The following UST variants were observed in gnomAD, a reference collection of about 807,000 sequenced individuals.
UST encodes the protein chondroitin sulfate 2-O-sulfotransferase.
UST carries 21 observed loss-of-function variants against 45.6 expected under a neutral mutation model. The observed-to-expected ratio is 0.46, with a 90% confidence interval of 0.33 to 0.66. The LOEUF is 0.66. Ranked by LOEUF, UST falls within the 30% of genes least tolerant of loss-of-function variation. The probability of loss-of-function intolerance (pLI) is 0.02; values close to 1 mark genes in which losing one functional copy is unlikely to be tolerated. For synonymous variants in UST, 215 were observed against 200.6 expected, an observed-to-expected ratio of 1.07 and a Z score of -0.61; for missense variants, 463 against 512.4, an observed-to-expected ratio of 0.90 and a Z score of 0.93.
chr6:149,003,311 C>G (rs1398810074), intron 5 of UST, among the ~76,000 whole-genome samples: 1 of 152,068 alleles, frequency 6.6e-6, no homozygotes, highest in African/African-American at 2.4e-5. Context: ...TCTCTCCCAC[C>G]CCTTTTTCCT....
intron 5 of UST, among the ~76,000 whole-genome samples, chr6:148,966,001 A>C (rs1203936945): frequency 6.6e-6 from 1 of 151,398 alleles, no homozygotes; most frequent in Non-Finnish European, 1.5e-5. Context: ...AGGCAGGTGC[A>C]TCACTTGAGG....
chr6:148,780,097 A>G (rs1304863911), intron 1 of UST, among the ~76,000 whole-genome samples: 1 of 149,476 alleles, frequency 6.7e-6, no homozygotes, highest in Non-Finnish European at 1.5e-5. Flanking sequence ...ATACACACAC[A>G]CACACACAAA....
intron 5 of UST, among the ~76,000 whole-genome samples, chr6:149,012,341 A>C (rs554275867): frequency 4.6e-5 from 7 of 152,332 alleles, no homozygotes; most frequent in Admixed American, 2.0e-4. Context: ...GCCTTTTACA[A>C]GGAAGAGTGT....
At chr6:148,979,914 A>G (rs1178882121) in intron 5 of UST, among the ~76,000 whole-genome samples, 1 of 152,198 alleles carries the variant, frequency 6.6e-6, no homozygotes, top group Non-Finnish European at 1.5e-5. Context: ...AATTTCATAA[A>G]TCAGCATATG....
intron 7 of UST, among the ~76,000 whole-genome samples, chr6:149,032,896 T>G (rs572624043): frequency 1.1e-4 from 17 of 152,330 alleles, no homozygotes; most frequent in African/African-American, 3.9e-4. Flanking sequence ...GGTGAATTTT[T>G]TTCTACTTTA....
At chr6:148,892,276 T>G (rs1056620968) in intron 2 of UST, among the ~76,000 whole-genome samples, 19 of 152,210 alleles carry the variant, frequency 1.2e-4, no homozygotes, top group African/African-American at 4.1e-4. Flanking sequence ...TTCTGTTGTT[T>G]GTGAAATCTC....
chr6:148,766,479 C>A (rs933572050), intron 1 of UST, among the ~76,000 whole-genome samples: 1 of 152,182 alleles, frequency 6.6e-6, no homozygotes, highest in Non-Finnish European at 1.5e-5. Flanking sequence ...AACAAATGCT[C>A]ATCAAGCACC....
intron 5 of UST, among the ~76,000 whole-genome samples, chr6:148,986,726 CT>C (rs1417617284): frequency 1.3e-5 from 2 of 152,228 alleles, no homozygotes; most frequent in Non-Finnish European, 1.5e-5. Context: ...CAAAAAATTC[CT>C]GAAACCACCC....
chr6:148,884,520 A>T (rs944531747), intron 1 of UST, among the ~76,000 whole-genome samples: 1 of 152,182 alleles, frequency 6.6e-6, no homozygotes. Flanking sequence ...CCAGTTCAAA[A>T]GGCCCCTCAT....
At chr6:149,012,174 A>T (rs1002202608) in intron 5 of UST, among the ~76,000 whole-genome samples, 1 of 152,224 alleles carries the variant, frequency 6.6e-6, no homozygotes, top group Admixed American at 6.5e-5. Context: ...CATCTCAACT[A>T]GAGTGTGTCA....
At position 148,782,436 on chromosome 6, in the gene UST, T is replaced by C. The variant is rs574064646; in HGVS notation, c.247+34759T>C. Among the ~76,000 whole-genome samples, 24 of 151,446 alleles carry C rather than the reference T, an allele frequency of 1.6e-4. 1 individual carries two copies. In the South Asian group the frequency reaches 4.2e-3, roughly 26 times the overall value. ...TATCTCATGATCAAACTTGAACAGA[T>C]GAACAGATGAGGAGTTGCTTCTTTT... On this transcript the variant is annotated intron_variant, in intron 1 of 7. Transcript: ENST00000367463.
chr6:149,037,933 A>G (rs912995315), intron 7 of UST, among the ~76,000 whole-genome samples: 1 of 152,268 alleles, frequency 6.6e-6, no homozygotes, highest in Middle Eastern at 3.4e-3. Context: ...GACCACTCCT[A>G]AGGCATCTGG....
chr6:149,024,271 G>T (rs1776020489), intron 7 of UST, among the ~76,000 whole-genome samples: 1 of 152,208 alleles, frequency 6.6e-6, no homozygotes, highest in Non-Finnish European at 1.5e-5. Flanking sequence ...CCCCGGGCCA[G>T]TGTCACACTC....
intron 1 of UST, among the ~76,000 whole-genome samples, chr6:148,886,727 G>T (rs560620866): frequency 6.6e-6 from 1 of 152,142 alleles, no homozygotes; most frequent in African/African-American, 2.4e-5. Context: ...ATAATGGTGC[G>T]TGTTACTGTG....
intron 7 of UST, among the ~76,000 whole-genome samples, chr6:149,065,084 G>A (rs577526523): frequency 5.3e-5 from 8 of 152,300 alleles, no homozygotes; most frequent in African/African-American, 1.9e-4. Flanking sequence ...ATCAGAGAAC[G>A]CTCATGGAGT....
intron 5 of UST, among the ~76,000 whole-genome samples, chr6:149,013,582 C>T (rs1775851412): frequency 6.6e-6 from 1 of 151,886 alleles, no homozygotes; most frequent in Admixed American, 6.6e-5. Context: ...GCAGTTTCAT[C>T]GACTGAGATT....
rs184223324 is a variant in UST, at chr6:148,866,085, G to A, written c.248-20901G>A. Reference sequence around the variant, plus strand: ...TATTGGGGAAAGAAAGAATTAATTAGACTTTAAATTCTTCCCTGCTTTTTT... The same window carrying A: ...TATTGGGGAAAGAAAGAATTAATTAAACTTTAAATTCTTCCCTGCTTTTTT... On this transcript the variant is annotated intron_variant, in intron 1 of 7. Transcript: ENST00000367463. Among the ~76,000 whole-genome samples, 419 of 145,144 alleles carry A rather than the reference G, an allele frequency of 2.9e-3. 2 individuals are homozygous for A. Among genetic ancestry groups the A allele is most frequent in the African/African-American group, 0.01 (390 of 38,954 alleles).
chr6:148,801,439 C>T (rs1056474446), intron 1 of UST, among the ~76,000 whole-genome samples: 2 of 152,240 alleles, frequency 1.3e-5, no homozygotes, highest in Middle Eastern at 3.4e-3. Context: ...TTTTCACAAC[C>T]CAAATGGCAG....
chr6:148,886,018 G>A (rs544954945), intron 1 of UST, among the ~76,000 whole-genome samples: 14 of 152,290 alleles, frequency 9.2e-5, no homozygotes, highest in South Asian at 2.1e-4. Flanking sequence ...TTGGATAGGC[G>A]CCTTCGATTA....
Sources: gnomAD v4.1 joint callset for allele counts (sites outside exome capture counted in the v4.1 genomes callset) on GRCh38, gnomAD v4.1.1 for gene constraint, MANE v1.5 for transcripts, NCBI Gene and HGNC (gene_info 2026-07-23, HGNC 2026-07-21) for gene names.